Variants in CDHR1 observed in about 807,000 individuals in gnomAD.
The protein encoded by CDHR1 is cadherin related family member 1.
A neutral mutation model predicts 72.1 loss-of-function variants in CDHR1; 61 were observed. The observed-to-expected ratio is 0.85, with a 90% CI of 0.69 to 1.05. The LOEUF (loss-of-function observed/expected upper bound fraction) is 1.05. CDHR1 is among the 50% of genes least tolerant of loss of function. The pLI is 0.00. For synonymous variants in CDHR1, 470 were observed against 448.1 expected (o/e 1.05, Z -0.62); for missense variants, 1,186 against 1,115.7 (o/e 1.06, Z -0.90).
chr10:84,196,781 C>A, intron 3 of CDHR1, 131 bp downstream of exon 3: 2 of 1,047,634 alleles, frequency 1.9e-6, no homozygotes, highest in Non-Finnish European at 2.9e-6. Flanking sequence ...ACCCCAGGCA[C>A]ATCCACTCTG....
chr10:84,213,065 CTCTG>C lies in CDHR1; in HGVS notation c.1783-18_1783-15del, dbSNP rs748380788. 1.3e-5 allele frequency: 21 copies of C among 1,614,220 alleles called. No homozygotes were observed. In the East Asian group the frequency reaches 4.2e-4, roughly 33 times the overall value. ...CACAAGGATTGTCCCCAAAGCCCAGCTCTGTCTGTCTCTCCCTGCGCACAGGCCA... is the reference window on the plus strand; with the variant it reads ...CACAAGGATTGTCCCCAAAGCCCAGCTCTGTCTCTCCCTGCGCACAGGCCA... On this transcript the variant is annotated intron_variant, in intron 15 of 16. Transcript: ENST00000623527.
chr10:84,215,086 A>AG lies in CDHR1; in HGVS notation c.*467dup. On this transcript the variant is annotated 3_prime_UTR_variant, in exon 17 of 17. Transcript: ENST00000623527. ...AGCTGAGAGCAGGAGCAGGAAAAGGAGGCTCAGCACTGTCTCAGGCTGGAG... is the reference window on the plus strand; with the variant it reads ...AGCTGAGAGCAGGAGCAGGAAAAGGAGGGCTCAGCACTGTCTCAGGCTGGAG... 1 of 1,059,320 alleles carries AG rather than the reference A, an allele frequency of 9.4e-7. No individual in the cohort carries two copies. Among genetic ancestry groups the AG allele is most frequent in the Non-Finnish European group, 1.1e-6 (1 of 874,190 alleles). 65.6% of individuals were successfully genotyped at this position (1,059,320 alleles called of 1,614,324 possible). A position where few individuals can be genotyped will look rare whatever the true frequency, so the allele number is the denominator to read the frequency against.
chr10:84,219,140 A>G (rs1250011348), downstream of CDHR1: 1 of 1,539,684 alleles, frequency 6.5e-7, no homozygotes, highest in East Asian at 2.4e-5. Context: ...TCAGTAAGAA[A>G]ACCAAAATTT....
chr10:84,215,726 C>G lies in CDHR1; in HGVS notation c.*1105C>G. 1.0e-6 allele frequency: 1 copy of G among 985,444 alleles called. No individual in the cohort carries two copies. The highest frequency in any genetic ancestry group is 1.2e-6 in the Non-Finnish European group (1 of 829,948). 61.0% of individuals were successfully genotyped at this position (985,444 alleles called of 1,614,324 possible). A position where few individuals can be genotyped will look rare whatever the true frequency, so the allele number is the denominator to read the frequency against. On this transcript the variant is annotated 3_prime_UTR_variant, in exon 17 of 17. Transcript: ENST00000623527. ...GCAGCCCAGTTCTGTGGGTGCAGCTCTTCCAGAAAGTATTAGGAGCCTCAC... is the reference window on the plus strand; with the variant it reads ...GCAGCCCAGTTCTGTGGGTGCAGCTGTTCCAGAAAGTATTAGGAGCCTCAC...
intron 16 of CDHR1, among the ~76,000 whole-genome samples, 183 bp downstream of exon 16, chr10:84,213,531 C>T (rs1001272238): frequency 6.6e-6 from 1 of 152,222 alleles, no homozygotes; most frequent in Admixed American, 6.5e-5. Flanking sequence ...TAGTTCAATA[C>T]TTATTAATGG....
At chr10:84,209,510 C>T (rs903239014) in intron 12 of CDHR1, among the ~76,000 whole-genome samples, 1 of 151,788 alleles carries the variant, frequency 6.6e-6, no homozygotes, top group Admixed American at 6.6e-5. Flanking sequence ...CTATTTAACA[C>T]AATTCCTGAA....
intron 14 of CDHR1, 47 bp from the exon 15 acceptor site, chr10:84,212,130 CAT>C (rs779952417): frequency 2.0e-6 from 3 of 1,472,006 alleles, no homozygotes; most frequent in Non-Finnish European, 2.9e-6. Flanking sequence ...TATGTATGCA[CAT>C]ATGTGTATAT....
intron 7 of CDHR1, 44 bp from the exon 8 acceptor site, chr10:84,202,936 C>T: frequency 6.2e-7 from 1 of 1,613,500 alleles, no homozygotes; most frequent in Non-Finnish European, 8.5e-7. Context: ...AATTCCACAT[C>T]TCAACTTGTC....
Position 84,216,659 on chromosome 10 carries a change from TG to T in CDHR1, c.*2039del. 1.0e-6 allele frequency: 1 copy of T among 985,492 alleles called. No individual in the cohort carries two copies. Among genetic ancestry groups the T allele is most frequent in the Non-Finnish European group, 1.2e-6 (1 of 829,948 alleles). The allele number at this position is 985,492 out of a possible 1,614,324, so 61.0% of individuals were successfully genotyped here. ...GGATCCATTCTTCGACCCCCAGATG[TG>T]ACTCTAAAGAAGGCTGAAAATTTTT... On this transcript the variant is annotated 3_prime_UTR_variant, in exon 17 of 17. Transcript: ENST00000623527.
In CDHR1 at chr10:84,194,778, G is replaced by A. The variant is rs1220602138; in HGVS notation, c.18G>A (p.Trp6Ter). The change falls in exon 1 of 17, where the codon TGG becomes TGA. Residue 6 changes from tryptophan to a stop codon, truncating the protein, a stop_gained. Transcript: ENST00000623527. LOFTEE classifies it high-confidence loss of function. Reference sequence around the variant, plus strand: ...GCGGAGACATGAGGCGCTGCCGGTGGGCCGCCCTGGCCCTGGGGCTGCTGC... The same window carrying A: ...GCGGAGACATGAGGCGCTGCCGGTGAGCCGCCCTGGCCCTGGGGCTGCTGC... The part of the protein sequence containing the change: MRRCR[W>*]AALALGLLRL... 8 of 1,524,278 alleles carry A rather than the reference G, an allele frequency of 5.2e-6. No individual in the cohort carries two copies. The South Asian group carries it at 8.4e-5, about 16-fold the overall frequency. The allele number at this position is 1,524,278 out of a possible 1,614,324, so 94.4% of individuals were successfully genotyped here.
chr10:84,204,235 G>A (rs1182056925), intron 8 of CDHR1, among the ~76,000 whole-genome samples: 2 of 152,150 alleles, frequency 1.3e-5, no homozygotes, highest in Admixed American at 6.5e-5. Context: ...GGCTGAGTGT[G>A]GTGTGTGGGC....
intron 1 of CDHR1, 129 bp from the exon 2 acceptor site, chr10:84,195,365 G>T (rs1056030470): frequency 2.9e-5 from 25 of 859,164 alleles, no homozygotes; most frequent in Non-Finnish European, 4.4e-5. Context: ...GTGCACTTGG[G>T]TTGGGGAGGC....
intron 6 of CDHR1, 57 bp from the exon 7 acceptor site, chr10:84,201,750 A>G (rs1362103950): frequency 7.0e-7 from 1 of 1,427,984 alleles, no homozygotes; most frequent in Non-Finnish European, 9.8e-7. Context: ...CAGAGCGGGC[A>G]TTCCTGGGGC....
chr10:84,219,070 A>G (rs1589313671), downstream of CDHR1: 1 of 933,450 alleles, frequency 1.1e-6, no homozygotes, highest in South Asian at 1.6e-5. Context: ...TTATTATTCT[A>G]TTTTATAGGT....
chr10:84,214,863 T>A lies in CDHR1; in HGVS notation c.*242T>A. ...CTCTAGGATGCAATTGGCAAATACG[T>A]CCCCGTTACTCAAATCCTTGGCACT... is the stretch of plus-strand genomic sequence containing the variant. On this transcript the variant is annotated 3_prime_UTR_variant, in exon 17 of 17. Coordinates refer to ENST00000623527, the MANE Select transcript of CDHR1 (RefSeq NM_033100.4). The A allele has an allele frequency of 2.8e-6, 4 of 1,446,084 alleles. No individual in the cohort carries two copies. Among genetic ancestry groups the A allele is most frequent in the Non-Finnish European group, 3.6e-6 (4 of 1,107,656 alleles). 89.6% of individuals were successfully genotyped at this position (1,446,084 alleles called of 1,614,324 possible).
downstream of CDHR1, chr10:84,219,240 C>G: frequency 6.4e-7 from 1 of 1,550,668 alleles, no homozygotes; most frequent in Non-Finnish European, 8.7e-7. Flanking sequence ...TGAATCTGTA[C>G]TCTAGAGTTT....
At position 84,212,221 on chromosome 10, in the gene CDHR1, C is replaced by T; in HGVS notation, c.1596C>T (p.Pro532=). The change falls in exon 15 of 17, where the codon CCC becomes CCT. Residue 532 remains proline, a synonymous_variant. Coordinates refer to ENST00000623527, the MANE Select transcript of CDHR1 (RefSeq NM_033100.4). The part of the protein sequence containing the change: ...HPSTGLIYTQ[P]WASLDAEATA... The stretch of plus-strand genomic sequence containing the variant: ...CCACTGGGCTTATCTACACCCAGCC[C>T]TGGGCTAGCCTGGACGCTGAGGCCA... The T allele has an allele frequency of 1.2e-6, 2 of 1,614,258 alleles. No homozygotes were observed. Among genetic ancestry groups the T allele is most frequent in the South Asian group, 1.1e-5 (1 of 91,090 alleles).
At chr10:84,213,437 C>T (rs1589308715) in intron 16 of CDHR1, 89 bp downstream of exon 16, 3 of 1,548,582 alleles carry the variant, frequency 1.9e-6, no homozygotes, top group East Asian at 4.5e-5. Context: ...GGACCATCTC[C>T]AGGCTTCCTC....
chr10:84,205,197 G>C (rs575977226), intron 9 of CDHR1, among the ~76,000 whole-genome samples: 124 of 152,226 alleles, frequency 8.1e-4, no homozygotes, highest in African/African-American at 2.9e-3. Context: ...CATCGCATCT[G>C]GTGCCTGGTA....
Sources: allele counts gnomAD v4.1 joint callset (sites outside exome capture counted in the v4.1 genomes callset), GRCh38; gene constraint gnomAD v4.1.1; transcripts MANE v1.5; gene names NCBI Gene and HGNC (gene_info 2026-07-23, HGNC 2026-07-21).